The following SYT1 variants were observed in gnomAD, a reference collection of about 807,000 sequenced individuals.
SYT1 encodes the protein synaptotagmin-1.
In SYT1, 8 loss-of-function variants were observed where a neutral mutation model predicts 44.8. The observed-to-expected ratio is 0.18, with a 90% CI of 0.10 to 0.32. The LOEUF is 0.32. Ranked by LOEUF, SYT1 falls within the 10% of genes least tolerant of loss-of-function variation. The pLI, the probability that SYT1 is intolerant of heterozygous loss-of-function variation, is 1.00. For missense variants in SYT1, 286 were observed against 509.3 expected (o/e 0.56, Z 4.22); for synonymous variants, 154 against 188.8 (o/e 0.82, Z 1.51).
At position 78,884,600 on chromosome 12, in the gene SYT1, C is replaced by A. The variant is rs1245938337; in HGVS notation, c.-217+19491C>A. On this transcript the variant is annotated intron_variant, in intron 1 of 10. Transcript: ENST00000261205. ...TTAATATTTTCATTAATAATTGATT[C>A]TCTTTATCATAATCTTAGAATATTT... 2.6e-5 allele frequency among the ~76,000 whole-genome samples: 4 copies of A among 151,320 alleles called. No homozygotes were observed. In the East Asian group the frequency reaches 5.9e-4, roughly 22 times the overall value.
intron 9 of SYT1, among the ~76,000 whole-genome samples, chr12:79,394,424 A>G (rs1884792251): frequency 6.6e-6 from 1 of 152,228 alleles, no homozygotes; most frequent in Non-Finnish European, 1.5e-5. Context: ...TAACCTGTGT[A>G]GGCAACTGAC....
In SYT1 at chr12:79,044,385, T is replaced by C. The variant is rs1157790915; in HGVS notation, c.-83-2912T>C. ...GCTTCATTTCATTCATTTCATCTTC[T>C]ATTGCTGATACCCTTTCTTCCAGTT... On this transcript the variant is annotated intron_variant, in intron 2 of 10. Coordinates refer to ENST00000261205, the MANE Select transcript of SYT1 (RefSeq NM_005639.3). Among the ~76,000 whole-genome samples, 391 of 151,982 alleles carry C rather than the reference T, an allele frequency of 2.6e-3. 5 individuals are homozygous for C. The highest frequency in any genetic ancestry group is 8.9e-3 in the African/African-American group (368 of 41,336).
chr12:78,985,932 G>T (rs1592634423), intron 2 of SYT1, among the ~76,000 whole-genome samples: 1 of 151,930 alleles, frequency 6.6e-6, no homozygotes, highest in South Asian at 2.1e-4. Flanking sequence ...CTTTCGAAAA[G>T]CACTTTGAAG....
intron 9 of SYT1, among the ~76,000 whole-genome samples, chr12:79,397,885 C>T (rs1234475954): frequency 6.6e-6 from 1 of 152,184 alleles, no homozygotes; most frequent in African/African-American, 2.4e-5. Flanking sequence ...CCACTATCCA[C>T]TGTAAATTCC....
intron 1 of SYT1, among the ~76,000 whole-genome samples, chr12:78,917,721 A>T (rs1388458416): frequency 6.6e-6 from 1 of 151,802 alleles, no homozygotes; most frequent in African/African-American, 2.4e-5. Flanking sequence ...GCCTAATGAG[A>T]TTAGCTTTGA....
chr12:79,029,126 A>G (rs1311579651), intron 2 of SYT1, among the ~76,000 whole-genome samples: 1 of 151,146 alleles, frequency 6.6e-6, no homozygotes, highest in Admixed American at 6.6e-5. Flanking sequence ...GGTAATTTCT[A>G]CTAATGCAGG....
At chr12:79,231,392 CTT>C (rs1300151366) in intron 4 of SYT1, among the ~76,000 whole-genome samples, 2 of 152,092 alleles carry the variant, frequency 1.3e-5, no homozygotes, top group African/African-American at 4.8e-5. Context: ...CTAAGCAACA[CTT>C]TCATTGACAC....
At chr12:78,984,429 T>C (rs79775238) in intron 2 of SYT1, among the ~76,000 whole-genome samples, 10,958 of 152,002 alleles carry the variant, frequency 0.072, 484 homozygotes, top group East Asian at 0.15. Context: ...GCATTTTATA[T>C]AGCATTATGA....
chr12:78,963,453 C>A (rs1180688709), intron 1 of SYT1, among the ~76,000 whole-genome samples: 1 of 151,944 alleles, frequency 6.6e-6, no homozygotes, highest in African/African-American at 2.4e-5. Context: ...GGAACTCCTA[C>A]AAATCAATAG....
chr12:79,232,358 C>T (rs1259454165), intron 4 of SYT1, among the ~76,000 whole-genome samples: 1 of 152,232 alleles, frequency 6.6e-6, no homozygotes, highest in Non-Finnish European at 1.5e-5. Flanking sequence ...ACAGCGATGG[C>T]TCTTTATGAT....
intron 8 of SYT1, among the ~76,000 whole-genome samples, chr12:79,336,286 A>G (rs1882086713): frequency 6.6e-6 from 1 of 151,974 alleles, no homozygotes; most frequent in Non-Finnish European, 1.5e-5. Flanking sequence ...TAAGTCCACA[A>G]AAAAAGTCTT....
chr12:79,317,092 A>G (rs1351826315), intron 8 of SYT1, among the ~76,000 whole-genome samples: 1 of 152,214 alleles, frequency 6.6e-6, no homozygotes, highest in Non-Finnish European at 1.5e-5. Context: ...TCGAGTAGCT[A>G]TTCACTTTCA....
intron 8 of SYT1, among the ~76,000 whole-genome samples, chr12:79,315,364 C>G (rs1881031131): frequency 6.6e-6 from 1 of 152,114 alleles, no homozygotes; most frequent in Non-Finnish European, 1.5e-5. Context: ...GCTGGCACCA[C>G]CATGCCCAGC....
At chr12:78,893,183 C>G (rs1875151214) in intron 1 of SYT1, among the ~76,000 whole-genome samples, 1 of 151,670 alleles carries the variant, frequency 6.6e-6, no homozygotes, top group Non-Finnish European at 1.5e-5. Flanking sequence ...TTAAGAGCAA[C>G]CATGACTAAC....
intron 1 of SYT1, among the ~76,000 whole-genome samples, chr12:78,885,076 G>C (rs1213729031): frequency 1.3e-5 from 2 of 151,858 alleles, no homozygotes; most frequent in Admixed American, 6.6e-5. Context: ...CGGGGATTTG[G>C]ATTTCAATCC....
intron 3 of SYT1, among the ~76,000 whole-genome samples, chr12:79,208,013 A>G (rs1338123427): frequency 6.6e-6 from 1 of 152,162 alleles, no homozygotes; most frequent in Non-Finnish European, 1.5e-5. Flanking sequence ...TTTTAACACA[A>G]ACATTTGCCT....
intron 2 of SYT1, among the ~76,000 whole-genome samples, chr12:79,031,553 C>T (rs1308206963): frequency 1.3e-5 from 2 of 151,068 alleles, no homozygotes; most frequent in Non-Finnish European, 3.0e-5. Flanking sequence ...TCACCAAATC[C>T]ATCCGCTCTT....
chr12:79,117,712 T>A (rs112081622), intron 3 of SYT1, among the ~76,000 whole-genome samples: 1,372 of 85,190 alleles, frequency 0.016, 10 homozygotes, highest in Non-Finnish European at 0.024. Context: ...TATATATATA[T>A]ATAAAATAAA....
intron 2 of SYT1, among the ~76,000 whole-genome samples, chr12:79,035,728 T>C (rs569159172): frequency 5.7e-4 from 86 of 151,772 alleles, no homozygotes; most frequent in African/African-American, 2.1e-3. Flanking sequence ...CATTCTGCTC[T>C]GTTTTGATAT....
Sources: allele counts gnomAD v4.1 joint callset (sites outside exome capture counted in the v4.1 genomes callset), GRCh38; gene constraint gnomAD v4.1.1; transcripts MANE v1.5; gene names NCBI Gene and HGNC (gene_info 2026-07-23, HGNC 2026-07-21).